Variants in MAN2B2 observed in about 807,000 individuals in gnomAD.
MAN2B2 encodes the protein mannosidase alpha class 2B member 2, also known as epididymis-specific alpha-mannosidase.
A neutral mutation model predicts 117.1 loss-of-function variants in MAN2B2; 106 were observed. The observed-to-expected ratio is 0.90, with a 90% CI of 0.77 to 1.06. The LOEUF (loss-of-function observed/expected upper bound fraction) is 1.06, where lower values mean the gene tolerates loss of function less well. MAN2B2 is among the 50% of genes least tolerant of loss of function. The pLI, the probability that MAN2B2 is intolerant of heterozygous loss-of-function variation, is 0.00. For missense variants in MAN2B2, 1,326 were observed against 1,381.4 expected, an observed-to-expected ratio of 0.96 and a Z score of 0.64; for synonymous variants, 544 against 595.1, an observed-to-expected ratio of 0.91 and a Z score of 1.25.
At chr4:6,601,358 A>C (rs572511051) in intron 10 of MAN2B2, among the ~76,000 whole-genome samples, 1 of 152,306 alleles carries the variant, frequency 6.6e-6, no homozygotes, top group East Asian at 1.9e-4. Context: ...TACAAAAATT[A>C]GCCAGGCGTG....
At chr4:6,619,773 G>C (rs1712071103) in intron 17 of MAN2B2, 154 bp from the exon 18 acceptor site, 5 of 668,818 alleles carry the variant, frequency 7.5e-6, no homozygotes, top group South Asian at 5.1e-5. Flanking sequence ...TGTGCTGTGA[G>C]AAGCAGATGA....
At position 6,609,850 on chromosome 4, in the gene MAN2B2, G is replaced by C. The variant is rs752839231; in HGVS notation, c.2059G>C (p.Val687Leu). Residue 687 changes from valine to leucine, a missense_variant, in exon 13 of 19, where the codon GTG (valine) becomes CTG (leucine). Transcript: ENST00000285599. ...TGCAATCCGCTCCCGGCTCACCCAT[G>C]TGCCGCAGGGCCATGACGGGGAGCT... ...TYAIRSRLTH[V>L]PQGHDGELLC... 1 of 1,614,014 alleles carries C rather than the reference G, an allele frequency of 6.2e-7. No individual in the cohort carries two copies. Among genetic ancestry groups the C allele is most frequent in the African/African-American group, 1.3e-5 (1 of 74,946 alleles).
chr4:6,577,166 A>G (rs1389342037), intron 2 of MAN2B2, among the ~76,000 whole-genome samples: 2 of 152,142 alleles, frequency 1.3e-5, no homozygotes, highest in Non-Finnish European at 2.9e-5. Context: ...AGGTTGCTTC[A>G]TACAGCATGG....
chr4:6,575,284 GC>G lies in MAN2B2; in HGVS notation c.78del (p.Ile27SerfsTer93). ...LLRPPGVQSA[G>X]PIRAFVVPHS... ...CGACCGCCAGGGGTCCAGTCCGCCG[GC>G]CCCATCCGGGCCTTCGTGGTGCCCC... is the stretch of plus-strand genomic sequence containing the variant. On this transcript the variant is annotated frameshift_variant, in exon 1 of 19. Coordinates refer to ENST00000285599, the MANE Select transcript of MAN2B2 (RefSeq NM_015274.3). LOFTEE classifies it high-confidence loss of function. 1 of 1,564,182 alleles carries G rather than the reference GC, an allele frequency of 6.4e-7. No homozygotes were observed. The highest frequency in any genetic ancestry group is 8.6e-7 in the Non-Finnish European group (1 of 1,160,696).
rs765508647 is a variant in MAN2B2, at chr4:6,597,276, C to T, written c.1221C>T (p.Leu407=). The change falls in exon 8 of 19, where the codon CTC becomes CTT. Residue 407 remains leucine, a synonymous_variant. Transcript: ENST00000285599. ...HLDPTWALQQ[L]QQLRWAVSEV... ...ACCCCACCTGGGCCCTGCAGCAGCT[C>T]CAGCAGCTTCGCTGGGCCGTCTCCG... is the stretch of plus-strand genomic sequence containing the variant. The T allele has an allele frequency of 7.7e-6, 12 of 1,566,882 alleles. No homozygotes were observed. In the African/African-American group the frequency reaches 1.5e-4, roughly 20 times the overall value.
intron 16 of MAN2B2, 68 bp downstream of exon 16, chr4:6,614,423 AC>A: frequency 6.4e-7 from 1 of 1,569,558 alleles, no homozygotes; most frequent in Non-Finnish European, 8.7e-7. Context: ...CACCGGGCCC[AC>A]CACCAGACAG....
rs1727478126 is a variant in MAN2B2, at chr4:6,604,968, C to G, written c.1540-87C>G. 2.8e-6 allele frequency: 4 copies of G among 1,445,584 alleles called. No homozygotes were observed. In the Admixed American group the frequency reaches 8.1e-5, roughly 29 times the overall value. 89.5% of individuals were successfully genotyped at this position (1,445,584 alleles called of 1,614,324 possible). On this transcript the variant is annotated intron_variant, in intron 10 of 18. Coordinates refer to ENST00000285599, the MANE Select transcript of MAN2B2 (RefSeq NM_015274.3). ...CGGCAGGATCCGAGAGATGGAAAGA[C>G]ACTGCTGCCTCAGCAAGTAGTGAGC... is the stretch of plus-strand genomic sequence containing the variant.
intron 13 of MAN2B2, among the ~76,000 whole-genome samples, chr4:6,610,586 C>T (rs958772597): frequency 6.6e-6 from 1 of 152,216 alleles, no homozygotes; most frequent in Non-Finnish European, 1.5e-5. Flanking sequence ...TGGCTTGTGC[C>T]TCGGTTTCCT....
chr4:6,579,254 C>A (rs1726283501), intron 3 of MAN2B2, among the ~76,000 whole-genome samples: 1 of 88,162 alleles, frequency 1.1e-5, no homozygotes, highest in Non-Finnish European at 2.6e-5. Flanking sequence ...CCTTCACCAC[C>A]ATCACCACCA....
chr4:6,590,381 G>C (rs1253709932), intron 5 of MAN2B2, among the ~76,000 whole-genome samples: 4 of 152,098 alleles, frequency 2.6e-5, no homozygotes, highest in Non-Finnish European at 5.9e-5. Context: ...GCAAGACTCT[G>C]TCTCAATCAA....
Position 6,611,194 on chromosome 4 carries a change from TC to T in MAN2B2, c.2481del (p.Trp828GlyfsTer42). 1 of 1,613,914 alleles carries T rather than the reference TC, an allele frequency of 6.2e-7. No individual in the cohort carries two copies. The highest frequency in any genetic ancestry group is 8.5e-7 in the Non-Finnish European group (1 of 1,180,016). Reference sequence around the variant, plus strand: ...CCCAGTGCTCTGGCTTCTGCTGGGATCCTGGTCCCTCACCACTGCCCTGCGC... The same window carrying T: ...CCCAGTGCTCTGGCTTCTGCTGGGATCTGGTCCCTCACCACTGCCCTGCGC... ...VHPVLWLLLG[S>X]WSLTTALRQR... On this transcript the variant is annotated frameshift_variant, in exon 15 of 19. Transcript: ENST00000285599. LOFTEE classifies it high-confidence loss of function.
In MAN2B2 at chr4:6,611,154, C is replaced by T; in HGVS notation, c.2439C>T (p.Asp813=). ...WDLGYNLTLN[D]TSVVHPVLWL... is the part of the protein sequence containing the mutation. ...TGGGCTACAACCTCACGCTGAACGACACCTCAGTCGTCCACCCAGTGCTCT... is the reference window on the plus strand; with the variant it reads ...TGGGCTACAACCTCACGCTGAACGATACCTCAGTCGTCCACCCAGTGCTCT... The change falls in exon 15 of 19, where the codon GAC becomes GAT. Residue 813 remains aspartate, a synonymous_variant. Coordinates refer to ENST00000285599, the MANE Select transcript of MAN2B2 (RefSeq NM_015274.3). The T allele has an allele frequency of 6.2e-7, 1 of 1,614,002 alleles. No homozygotes were observed. The highest frequency in any genetic ancestry group is 8.5e-7 in the Non-Finnish European group (1 of 1,180,014).
At chr4:6,589,966 T>C (rs1726791299) in intron 5 of MAN2B2, among the ~76,000 whole-genome samples, 1 of 151,670 alleles carries the variant, frequency 6.6e-6, no homozygotes, top group Admixed American at 6.6e-5. Context: ...GCTTAGGAGG[T>C]TGAGGCAGAA....
At chr4:6,600,423 G>T (rs1360006602) in intron 9 of MAN2B2, among the ~76,000 whole-genome samples, 200 bp from the exon 10 acceptor site, 1 of 152,218 alleles carries the variant, frequency 6.6e-6, no homozygotes, top group Non-Finnish European at 1.5e-5. Context: ...CCCTGCCCTG[G>T]AAGCCAGACT....
intron 5 of MAN2B2, among the ~76,000 whole-genome samples, chr4:6,590,976 C>CT (rs1208708331): frequency 6.6e-6 from 1 of 152,210 alleles, no homozygotes; most frequent in Non-Finnish European, 1.5e-5. Flanking sequence ...TGGTAAAACT[C>CT]TGTCTGTAGT....
chr4:6,589,946 A>G (rs1191315831), intron 5 of MAN2B2, among the ~76,000 whole-genome samples: 2 of 152,072 alleles, frequency 1.3e-5, no homozygotes, highest in Non-Finnish European at 2.9e-5. Flanking sequence ...GGGTGCATGC[A>G]GTCCTAGATG....
Position 6,575,191 on chromosome 4 carries a change from C to A in MAN2B2, c.-20C>A. The stretch of plus-strand genomic sequence containing the variant: ...GCGGACCCGGAAGTGGGCCTGGCAC[C>A]TTCCCGGCCTGCCGCAGGGATGGGG... On this transcript the variant is annotated 5_prime_UTR_variant, in exon 1 of 19. Transcript: ENST00000285599. 7.2e-7 allele frequency: 1 copy of A among 1,380,240 alleles called. No homozygotes were observed. Among genetic ancestry groups the A allele is most frequent in the Non-Finnish European group, 9.8e-7 (1 of 1,015,978 alleles). The allele number at this position is 1,380,240 out of a possible 1,614,324, so 85.5% of individuals were successfully genotyped here.
intron 3 of MAN2B2, among the ~76,000 whole-genome samples, chr4:6,579,124 TACCACCACCAC>T (rs1726230374): frequency 4.9e-5 from 1 of 20,566 alleles, no homozygotes; most frequent in Non-Finnish European, 9.9e-5. Flanking sequence ...CCATCACCAC[TACCACCACCAC>T]CACCATCACC....
At chr4:6,590,914 C>T (rs1290475119) in intron 5 of MAN2B2, among the ~76,000 whole-genome samples, 6 of 152,172 alleles carry the variant, frequency 3.9e-5, no homozygotes, top group African/African-American at 7.2e-5. Context: ...TTTGGGAGGC[C>T]GAGGCAGGTG....
Sources: allele counts gnomAD v4.1 joint callset (sites outside exome capture counted in the v4.1 genomes callset), GRCh38; gene constraint gnomAD v4.1.1; transcripts MANE v1.5; gene names NCBI Gene and HGNC (gene_info 2026-07-23, HGNC 2026-07-21).